SMARCB1: variants seen among roughly 807,000 people sequenced by gnomAD.
SMARCB1 encodes the protein SWI/SNF-related matrix-associated actin-dependent regulator of chromatin subfamily B member 1.
SMARCB1 carries 5 observed loss-of-function variants against 49.0 expected under a neutral mutation model. The observed-to-expected ratio is 0.10, with a 90% CI of 0.05 to 0.21. The LOEUF is 0.21. Among genes scored for constraint, SMARCB1 ranks in the 10% least tolerant of loss-of-function variants. The pLI, the probability that SMARCB1 is intolerant of heterozygous loss-of-function variation, is 1.00. For synonymous variants in SMARCB1, 201 were observed against 200.1 expected (o/e 1.00, Z -0.04); for missense variants, 226 against 509.2 (o/e 0.44, Z 5.35).
Position 23,801,024 on chromosome 22 carries a change from C to T in SMARCB1, c.443C>T (p.Ser148Phe). Reference sequence around the variant, plus strand: ...CACCACTTAGATGCCGTGCCATGCTCCACAACCATCAACAGGAACCGCATG... The same window carrying T: ...CACCACTTAGATGCCGTGCCATGCTTCACAACCATCAACAGGAACCGCATG... ...SSHHLDAVPCSTTINRNRMGR... is the reference protein window; with the variant it reads ...SSHHLDAVPCFTTINRNRMGR... The change falls in exon 4 of 9, where the codon TCC (serine) becomes TTC (phenylalanine). Residue 148 changes from serine to phenylalanine, a missense_variant. By Grantham distance (155) the Ser-to-Phe change is radical. Coordinates refer to ENST00000644036, the MANE Select transcript of SMARCB1 (RefSeq NM_003073.5). The T allele has an allele frequency of 6.2e-7, 1 of 1,614,178 alleles. No individual in the cohort carries two copies. Among genetic ancestry groups the T allele is most frequent in the Admixed American group, 1.7e-5 (1 of 60,026 alleles).
chr22:23,800,254 C>A (rs1381950842), intron 3 of SMARCB1, among the ~76,000 whole-genome samples: 1 of 152,260 alleles, frequency 6.6e-6, no homozygotes, highest in African/African-American at 2.4e-5. Context: ...GAGAAAAGAT[C>A]AAACGCTTCA....
intron 1 of SMARCB1, among the ~76,000 whole-genome samples, chr22:23,789,118 C>T (rs1396307513): frequency 2.0e-5 from 3 of 152,058 alleles, no homozygotes; most frequent in Non-Finnish European, 4.4e-5. Context: ...CCAAAGTGCT[C>T]GATTATAGGC....
chr22:23,791,873 AAAAC>A lies in SMARCB1; in HGVS notation c.215_218del (p.Thr72AsnfsTer12). On this transcript the variant is annotated frameshift_variant, in exon 2 of 9. Coordinates refer to ENST00000644036, the MANE Select transcript of SMARCB1 (RefSeq NM_003073.5). LOFTEE classifies it high-confidence loss of function. ...AATAGTTGCATCGTCACATGGTAAA[AAAAC>A]AAAACCTAACACTAAGGGTGCGTCT... 1 of 1,614,240 alleles carries A rather than the reference AAAAC, an allele frequency of 6.2e-7. No individual in the cohort carries two copies. Among genetic ancestry groups the A allele is most frequent in the Non-Finnish European group, 8.5e-7 (1 of 1,180,026 alleles).
Position 23,837,727 on chromosome 22 carries a change from G to A in SMARCB1, c.*3547G>A, listed in dbSNP as rs149274985. On this transcript the variant is annotated 3_prime_UTR_variant, in exon 9 of 9. Transcript: ENST00000644036. ...GCCCATGAGCGCCCAAGGCAGGAAC[G>A]GTGCCTGGAAAGTGAGCAGGCCGAA... The A allele has an allele frequency of 2.2e-5, 35 of 1,614,006 alleles. No individual in the cohort carries two copies. The highest frequency in any genetic ancestry group is 1.5e-4 in the African/African-American group (11 of 75,048).
At chr22:23,812,887 C>CG (rs1929967367) in intron 5 of SMARCB1, among the ~76,000 whole-genome samples, 2 of 136,510 alleles carry the variant, frequency 1.5e-5, no homozygotes, top group South Asian at 4.6e-4. Context: ...TTTTTTTAGA[C>CG]GGAGTATTGC....
chr22:23,803,854 C>T, intron 5 of SMARCB1: 1 of 289,022 alleles, frequency 3.5e-6, no homozygotes, highest in South Asian at 3.5e-5. Context: ...CATCCTCACT[C>T]TGTAAGTCCT....
chr22:23,786,981 C>T lies in SMARCB1; in HGVS notation c.-189C>T, dbSNP rs1420911217. 5 of 492,882 alleles carry T rather than the reference C, an allele frequency of 1.0e-5. No homozygotes were observed. Among genetic ancestry groups the T allele is most frequent in the Admixed American group, 8.8e-5 (2 of 22,642 alleles). The allele number at this position is 492,882 out of a possible 1,614,324, so 30.5% of individuals were successfully genotyped here. A position where few individuals can be genotyped will look rare whatever the true frequency, so the allele number is the denominator to read the frequency against. ...CAGCGTCAACGCCAGCGCCTGCGCACTGAGGGCGGCCTGGTCGTCGTCTGC... is the reference window on the plus strand; with the variant it reads ...CAGCGTCAACGCCAGCGCCTGCGCATTGAGGGCGGCCTGGTCGTCGTCTGC... On this transcript the variant is annotated 5_prime_UTR_variant, in exon 1 of 9. Transcript: ENST00000644036.
chr22:23,815,012 A>G (rs558518562), intron 5 of SMARCB1: 28 of 151,848 alleles, frequency 1.8e-4, no homozygotes, highest in African/African-American at 6.8e-4. Context: ...GAGAAATTTC[A>G]CTAAAGAAGT....
At chr22:23,802,911 C>T (rs1283278004) in intron 4 of SMARCB1, 4 of 362,524 alleles carry the variant, frequency 1.1e-5, no homozygotes, top group African/African-American at 4.2e-5. Context: ...CTCAGCAGTT[C>T]CTCCATTCAC....
chr22:23,837,029 G>C lies in SMARCB1; in HGVS notation c.*2849G>C, dbSNP rs764530283. 6.2e-7 allele frequency: 1 copy of C among 1,613,186 alleles called. No individual in the cohort carries two copies. Among genetic ancestry groups the C allele is most frequent in the Non-Finnish European group, 8.5e-7 (1 of 1,179,558 alleles). On this transcript the variant is annotated 3_prime_UTR_variant, in exon 9 of 9. Coordinates refer to ENST00000644036, the MANE Select transcript of SMARCB1 (RefSeq NM_003073.5). ...CCCCATCGGTGGGGATCCTTCTGAG[G>C]GTGGGGAGAGGGAGGGAGGGCTCTC...
intron 6 of SMARCB1, 32 bp downstream of exon 6, chr22:23,816,968 T>TC (rs761504355): frequency 3.2e-4 from 516 of 1,596,502 alleles, no homozygotes; most frequent in Non-Finnish European, 4.3e-4. Context: ...ACTGGAGCCT[T>TC]CCTGGCCCTC....
At chr22:23,810,382 G>T (rs779458398) in intron 5 of SMARCB1, among the ~76,000 whole-genome samples, 15 of 151,284 alleles carry the variant, frequency 9.9e-5, no homozygotes, top group Non-Finnish European at 1.5e-4. Flanking sequence ...AAAACAATTA[G>T]CCAGGCATGG....
chr22:23,787,404 T>C, intron 1 of SMARCB1, 142 bp downstream of exon 1: 1 of 450,856 alleles, frequency 2.2e-6, no homozygotes, highest in Non-Finnish European at 3.9e-6. Context: ...GGGCGTGGCC[T>C]AGTGGGCGTG....
chr22:23,836,363 G>T lies in SMARCB1; in HGVS notation c.*2183G>T. The T allele has an allele frequency of 1.0e-6, 1 of 985,714 alleles. No homozygotes were observed. The highest frequency in any genetic ancestry group is 1.2e-6 in the Non-Finnish European group (1 of 830,118). The allele number at this position is 985,714 out of a possible 1,614,324, so 61.1% of individuals were successfully genotyped here. A position where few individuals can be genotyped will look rare whatever the true frequency, so the allele number is the denominator to read the frequency against. ...TGGCATCAGCCTGAAGGCACCACTG[G>T]CAGGAACATCTGTAGGCTGGTTTGG... On this transcript the variant is annotated 3_prime_UTR_variant, in exon 9 of 9. Coordinates refer to ENST00000644036, the MANE Select transcript of SMARCB1 (RefSeq NM_003073.5).
Position 23,793,446 on chromosome 22 carries a change from C to A in SMARCB1, c.233-113C>A, listed in dbSNP as rs960766514. 2.8e-5 allele frequency: 32 copies of A among 1,127,984 alleles called. No individual in the cohort carries two copies. The African/African-American group carries it at 4.6e-4, about 16-fold the overall frequency. The allele number at this position is 1,127,984 out of a possible 1,614,324, so 69.9% of individuals were successfully genotyped here. ...CATTCAGCAGTAGTAAGTTTGACAC[C>A]TTGCTTTTCCCACCTCCCGCATGCG... On this transcript the variant is annotated intron_variant, in intron 2 of 8. Transcript: ENST00000644036.
At chr22:23,822,849 G>A (rs1213589485) in intron 6 of SMARCB1, among the ~76,000 whole-genome samples, 1 of 148,394 alleles carries the variant, frequency 6.7e-6, no homozygotes, top group Non-Finnish European at 1.5e-5. Flanking sequence ...AGGCCAGCCT[G>A]GACTTTCTCC....
chr22:23,826,508 C>A (rs985736384), intron 7 of SMARCB1, among the ~76,000 whole-genome samples: 4 of 152,092 alleles, frequency 2.6e-5, no homozygotes, highest in African/African-American at 9.6e-5. Flanking sequence ...GTTCCTCACC[C>A]TGTCCTCTGT....
chr22:23,833,043 C>T lies in SMARCB1; in HGVS notation c.987-529C>T, dbSNP rs368803541. 2.8e-4 allele frequency among the ~76,000 whole-genome samples: 42 copies of T among 152,214 alleles called. No individual in the cohort carries two copies. In the South Asian group the frequency reaches 8.5e-3, roughly 31 times the overall value. Reference sequence around the variant, plus strand: ...TTCGGCCAGGAGGTGGGCTGAGGGGCAAGTGTGTGGAACATGCAGGAACAG... The same window carrying T: ...TTCGGCCAGGAGGTGGGCTGAGGGGTAAGTGTGTGGAACATGCAGGAACAG... On this transcript the variant is annotated intron_variant, in intron 7 of 8. Coordinates refer to ENST00000644036, the MANE Select transcript of SMARCB1 (RefSeq NM_003073.5).
At chr22:23,801,170 T>A (rs1408628315) in intron 4 of SMARCB1, 89 bp downstream of exon 4, 30 of 1,594,822 alleles carry the variant, frequency 1.9e-5, no homozygotes, top group Non-Finnish European at 2.2e-5. Flanking sequence ...AGAAAAACAC[T>A]CTGCTTTGAC....
Sources: gnomAD v4.1 joint callset for allele counts (sites outside exome capture counted in the v4.1 genomes callset) on GRCh38, gnomAD v4.1.1 for gene constraint, MANE v1.5 for transcripts, NCBI Gene and HGNC (gene_info 2026-07-23, HGNC 2026-07-21) for gene names.